Variants in ARHGAP24 observed in about 807,000 individuals in gnomAD.
ARHGAP24 encodes Rho GTPase activating protein 24.
A neutral mutation model predicts 76.4 loss-of-function variants in ARHGAP24; 50 were observed. That is an observed-to-expected ratio of 0.65 (90% CI 0.52 to 0.83). The LOEUF (loss-of-function observed/expected upper bound fraction) is 0.83. Among genes scored for constraint, ARHGAP24 ranks in the 40% least tolerant of loss-of-function variants. The probability of loss-of-function intolerance (pLI) is 0.00; values close to 1 mark genes in which losing one functional copy is unlikely to be tolerated. For missense variants in ARHGAP24, 930 were observed against 914.2 expected (o/e 1.02, Z -0.22); for synonymous variants, 345 against 323.3 (o/e 1.07, Z -0.72).
At chr4:85,691,191 G>T (rs1019024036) in intron 2 of ARHGAP24, among the ~76,000 whole-genome samples, 15 of 151,824 alleles carry the variant, frequency 9.9e-5, no homozygotes, top group African/African-American at 2.9e-4. Flanking sequence ...TGTATTTATT[G>T]TACCATGGCC....
intron 2 of ARHGAP24, among the ~76,000 whole-genome samples, chr4:85,610,035 A>G (rs138508363): frequency 1.3e-5 from 2 of 152,258 alleles, no homozygotes; most frequent in East Asian, 1.9e-4. Flanking sequence ...GCATAAGACA[A>G]TTTAATGAAC....
rs1306107464 is a variant in ARHGAP24 at position 85,864,717 on chromosome 4, T to A, written c.269-58931T>A. Among the ~76,000 whole-genome samples the A allele has an allele frequency of 2.0e-5, 3 of 151,954 alleles. No homozygotes were observed. The East Asian group carries it at 5.8e-4, about 29-fold the overall frequency. On this transcript the variant is annotated intron_variant, in intron 3 of 9. Coordinates refer to ENST00000395184, the MANE Select transcript of ARHGAP24 (RefSeq NM_001025616.3). ...AGGAAGAAAGCATGTTCAGACCCAC[T>A]TCCATGAGCTACGCCCATCTGCAAT...
chr4:85,615,264 C>T (rs1286817423), intron 2 of ARHGAP24, among the ~76,000 whole-genome samples: 1 of 151,990 alleles, frequency 6.6e-6, no homozygotes, highest in African/African-American at 2.4e-5. Context: ...CCCTACTTTT[C>T]TTTCACCTAA....
intron 1 of ARHGAP24, among the ~76,000 whole-genome samples, chr4:85,514,954 C>T (rs575506213): frequency 1.3e-5 from 2 of 151,458 alleles, no homozygotes; most frequent in East Asian, 3.9e-4. Flanking sequence ...TGAAGACATG[C>T]AGAAGCCAGA....
chr4:85,730,683 A>G (rs1358892508), intron 3 of ARHGAP24, among the ~76,000 whole-genome samples: 3 of 152,214 alleles, frequency 2.0e-5, no homozygotes, highest in Non-Finnish European at 4.4e-5. Context: ...TGCTGGGATT[A>G]TAGGCGTGAG....
At position 85,740,218 on chromosome 4, in the gene ARHGAP24, GT is replaced by G. The variant is rs1319471439; in HGVS notation, c.268+18248del. Among the ~76,000 whole-genome samples, 36 of 109,042 alleles carry G rather than the reference GT, an allele frequency of 3.3e-4. No homozygotes were observed. The Admixed American group carries it at 3.6e-3, about 11-fold the overall frequency. 71.5% of individuals were successfully genotyped at this position (109,042 alleles called of 152,430 possible). ...CTGGGATATTCTTTTTGTTGTTGTT[GT>G]TGGGGTTTTTTTTTTTTTTAGACGG... On this transcript the variant is annotated intron_variant, in intron 3 of 9. Coordinates refer to ENST00000395184, the MANE Select transcript of ARHGAP24 (RefSeq NM_001025616.3).
Position 86,001,325 on chromosome 4 carries a change from C to G in ARHGAP24, c.*603C>G. 2 of 398,944 alleles carry G rather than the reference C, an allele frequency of 5.0e-6. No homozygotes were observed. Among genetic ancestry groups the G allele is most frequent in the Non-Finnish European group, 8.8e-6 (2 of 226,072 alleles). 24.7% of individuals were successfully genotyped at this position (398,944 alleles called of 1,614,324 possible). ...AGTCGAATCACCAGGAACCTTTGAGCTGCTTTTAAAATTCTTCCCCTGGCA... is the reference window on the plus strand; with the variant it reads ...AGTCGAATCACCAGGAACCTTTGAGGTGCTTTTAAAATTCTTCCCCTGGCA... On this transcript the variant is annotated 3_prime_UTR_variant, in exon 10 of 10. Coordinates refer to ENST00000395184, the MANE Select transcript of ARHGAP24 (RefSeq NM_001025616.3).
At chr4:85,958,949 A>G (rs918667527) in intron 5 of ARHGAP24, among the ~76,000 whole-genome samples, 22 of 152,116 alleles carry the variant, frequency 1.4e-4, no homozygotes, top group Admixed American at 2.0e-4. Flanking sequence ...ACTTAACATA[A>G]TGTTTTTGAG....
chr4:85,930,786 A>G, intron 4 of ARHGAP24: 1 of 1,465,680 alleles, frequency 6.8e-7, no homozygotes, highest in South Asian at 1.4e-5. Flanking sequence ...CTAAGCCAGG[A>G]CCTGGATGAT....
intron 5 of ARHGAP24, 40 bp downstream of exon 5, chr4:85,942,313 T>C (rs766486850): frequency 6.2e-7 from 1 of 1,606,412 alleles, no homozygotes; most frequent in Non-Finnish European, 8.5e-7. Context: ...CACTGAGAAA[T>C]TCAGACTCAA....
chr4:85,796,528 G>T (rs769120669), intron 3 of ARHGAP24, among the ~76,000 whole-genome samples: 3 of 152,156 alleles, frequency 2.0e-5, no homozygotes, highest in Non-Finnish European at 2.9e-5. Context: ...GGGAAGATCA[G>T]CCTTCAGGCA....
At chr4:85,940,624 A>G (rs1446674506) in intron 4 of ARHGAP24, among the ~76,000 whole-genome samples, 2 of 152,156 alleles carry the variant, frequency 1.3e-5, no homozygotes, top group Non-Finnish European at 2.9e-5. Flanking sequence ...TTGATACACC[A>G]TTATCAAGGA....
chr4:85,744,967 C>T (rs1578191440), intron 3 of ARHGAP24, among the ~76,000 whole-genome samples: 1 of 152,046 alleles, frequency 6.6e-6, no homozygotes. Flanking sequence ...CTAAATGTGC[C>T]CTCCATTTTC....
In ARHGAP24 at chr4:85,556,928, C is replaced by T. The variant is rs181261631; in HGVS notation, c.-20-13594C>T. Among the ~76,000 whole-genome samples the T allele has an allele frequency of 2.1e-3, 315 of 152,306 alleles. 1 individual carries two copies. Among genetic ancestry groups the T allele is most frequent in the African/African-American group, 6.9e-3 (286 of 41,572 alleles). ...CACTAAAGTCCCAGGTTTGGAGGCC[C>T]TGCCCAGTGAGCAGTAGCAGAGGTG... On this transcript the variant is annotated intron_variant, in intron 1 of 9. Coordinates refer to ENST00000395184, the MANE Select transcript of ARHGAP24 (RefSeq NM_001025616.3).
chr4:85,781,671 G>T (rs963730334), intron 3 of ARHGAP24, among the ~76,000 whole-genome samples: 2 of 152,070 alleles, frequency 1.3e-5, no homozygotes, highest in African/African-American at 4.8e-5. Flanking sequence ...TTGAAACAAT[G>T]AATTAGAGAC....
chr4:85,715,667 C>T (rs142159925), intron 2 of ARHGAP24, among the ~76,000 whole-genome samples: 56 of 152,158 alleles, frequency 3.7e-4, no homozygotes, highest in African/African-American at 1.3e-3. Flanking sequence ...ATAGCCAGAA[C>T]ACTTATGGTT....
rs183348420 is a variant in ARHGAP24, at chr4:85,484,393, G to C, written c.-21+8834G>C. The stretch of plus-strand genomic sequence containing the variant: ...GACATATTTGTTTTGAAAAGCACAG[G>C]CAGATGGGAAATTGGAAATGGAGTT... On this transcript the variant is annotated intron_variant, in intron 1 of 9. Transcript: ENST00000395184. 2.6e-4 allele frequency among the ~76,000 whole-genome samples: 39 copies of C among 152,174 alleles called. No homozygotes were observed. The East Asian group carries it at 7.5e-3, about 29-fold the overall frequency.
intron 5 of ARHGAP24, among the ~76,000 whole-genome samples, chr4:85,951,801 A>T (rs1439730080): frequency 1.3e-5 from 2 of 152,302 alleles, no homozygotes; most frequent in African/African-American, 4.8e-5. Flanking sequence ...AAAACCTAGA[A>T]AGAAGTTCCC....
chr4:85,624,228 T>C (rs1578087147), intron 2 of ARHGAP24, among the ~76,000 whole-genome samples: 1 of 152,208 alleles, frequency 6.6e-6, no homozygotes, highest in East Asian at 1.9e-4. Context: ...GGGTTTGTCA[T>C]AGATAGCTCT....
Sources: gnomAD v4.1 joint callset for allele counts (sites outside exome capture counted in the v4.1 genomes callset) on GRCh38, gnomAD v4.1.1 for gene constraint, MANE v1.5 for transcripts, NCBI Gene and HGNC (gene_info 2026-07-23, HGNC 2026-07-21) for gene names.